The following BLTP3B variants were observed in gnomAD, a reference collection of about 807,000 sequenced individuals.
BLTP3B encodes UHRF1 (ICBP90) binding protein 1-like.
chr12:100,063,751 C>T, the BLTP3B span, among the ~76,000 whole-genome samples: 7 of 151,574 alleles, frequency 4.6e-5, no homozygotes, highest in African/African-American at 7.3e-5. Flanking sequence ...AATACCACTC[C>T]GAGGGAACAT....
At chr12:100,046,671 C>T in the BLTP3B span, among the ~76,000 whole-genome samples, 1 of 151,794 alleles carries the variant, frequency 6.6e-6, no homozygotes, top group African/African-American at 2.4e-5. Context: ...CACATGTATA[C>T]CTATGTAAAA....
chr12:100,118,901 A>C, the BLTP3B span, among the ~76,000 whole-genome samples: 1 of 152,148 alleles, frequency 6.6e-6, no homozygotes, highest in Non-Finnish European at 1.5e-5. Context: ...AGGAGTTCAA[A>C]GACCAGCCTG....
At chr12:100,058,255 T>G in the BLTP3B span, 1 of 1,613,390 alleles carries the variant, frequency 6.2e-7, no homozygotes, top group Admixed American at 1.7e-5. Context: ...AAGATACTAC[T>G]TGAATCTGTA....
the BLTP3B span, chr12:100,082,912 C>T: frequency 3.7e-6 from 3 of 811,838 alleles, no homozygotes; most frequent in Non-Finnish European, 5.9e-6. Context: ...TTTCATAAAC[C>T]TTGTAAAGAT....
chr12:100,071,454 G>A, the BLTP3B span, among the ~76,000 whole-genome samples: 2 of 134,910 alleles, frequency 1.5e-5, no homozygotes, highest in African/African-American at 2.9e-5. Flanking sequence ...CCAAGATCAC[G>A]CCACCGCACT....
chr12:100,104,273 C>T, the BLTP3B span, among the ~76,000 whole-genome samples: 6 of 143,956 alleles, frequency 4.2e-5, no homozygotes, highest in South Asian at 2.2e-4. Flanking sequence ...GGCACGATAT[C>T]GGCTCACTGC....
chr12:100,131,823 A>G, the BLTP3B span, among the ~76,000 whole-genome samples: 1 of 152,078 alleles, frequency 6.6e-6, no homozygotes, highest in Non-Finnish European at 1.5e-5. Context: ...GTGGAGTCTC[A>G]CTGTTGCCCA....
At chr12:100,084,678 TA>T in the BLTP3B span, 3 of 1,600,652 alleles carry the variant, frequency 1.9e-6, no homozygotes, top group East Asian at 6.7e-5. Flanking sequence ...GAACAACAGG[TA>T]TTTCATTGAA....
chr12:100,130,231 A>G, the BLTP3B span, among the ~76,000 whole-genome samples: 1 of 152,150 alleles, frequency 6.6e-6, no homozygotes, highest in Non-Finnish European at 1.5e-5. Context: ...AAGTGCTAGG[A>G]TTACAGGTGT....
the BLTP3B span, chr12:100,142,606 C>G: frequency 1.9e-6 from 3 of 1,608,850 alleles, no homozygotes; most frequent in Non-Finnish European, 2.5e-6. Context: ...AGAGGTGCTT[C>G]AAGATTTGTT....
chr12:100,135,940 C>T, the BLTP3B span, among the ~76,000 whole-genome samples: 3 of 152,054 alleles, frequency 2.0e-5, no homozygotes, highest in East Asian at 1.9e-4. Context: ...CAGCCAGGCA[C>T]GGTGGCTCAT....
chr12:100,142,513 C>G, the BLTP3B span: 1 of 1,506,198 alleles, frequency 6.6e-7, no homozygotes. Context: ...CAGGCGCCGC[C>G]GCCCCCGAAG....
At chr12:100,103,711 A>T in the BLTP3B span, among the ~76,000 whole-genome samples, 2 of 152,162 alleles carry the variant, frequency 1.3e-5, no homozygotes, top group African/African-American at 4.8e-5. Context: ...TCTAGACCTG[A>T]AAAACTTTAA....
chr12:100,108,680 A>G, the BLTP3B span: 1 of 682,862 alleles, frequency 1.5e-6, no homozygotes, highest in South Asian at 2.3e-5. Context: ...CGACAAATGG[A>G]TAAAGAAAAT....
At chr12:100,128,925 G>A in the BLTP3B span, among the ~76,000 whole-genome samples, 1 of 151,830 alleles carries the variant, frequency 6.6e-6, no homozygotes, top group African/African-American at 2.4e-5. Context: ...CATTTTCTCT[G>A]TCACTGTTAC....
chr12:100,125,286 T>C, the BLTP3B span, among the ~76,000 whole-genome samples: 172 of 148,038 alleles, frequency 1.2e-3, no homozygotes, highest in African/African-American at 4.1e-3. Flanking sequence ...TGAGCCAAGA[T>C]TGCGCCACTG....
At chr12:100,094,989 G>A in the BLTP3B span, among the ~76,000 whole-genome samples, 10 of 152,136 alleles carry the variant, frequency 6.6e-5, no homozygotes, top group Admixed American at 2.0e-4. Flanking sequence ...ATTTAGTTAC[G>A]TTTTTACTAG....
the BLTP3B span, among the ~76,000 whole-genome samples, chr12:100,042,762 A>G: frequency 7.9e-5 from 12 of 152,206 alleles, no homozygotes; most frequent in Non-Finnish European, 1.5e-4. Flanking sequence ...ATTATGACTC[A>G]CTGAAGGTTT....
At chr12:100,062,980 A>G in the BLTP3B span, among the ~76,000 whole-genome samples, 4 of 152,002 alleles carry the variant, frequency 2.6e-5, no homozygotes, top group Admixed American at 2.6e-4. Flanking sequence ...AAGAATTTAA[A>G]AAAAAAAAAC....
Sources: allele counts gnomAD v4.1 joint callset (sites outside exome capture counted in the v4.1 genomes callset), GRCh38; gene constraint gnomAD v4.1.1; transcripts MANE v1.5; gene names NCBI Gene and HGNC (gene_info 2026-07-23, HGNC 2026-07-21).